SLC35F4: variants seen among roughly 807,000 people sequenced by gnomAD.
SLC35F4 encodes the protein solute carrier family 35 member F4.
Under a neutral mutation model 44.2 loss-of-function variants are expected in SLC35F4, and 24 were observed. The ratio of observed to expected loss-of-function variants is 0.54; its 90% CI spans 0.39 to 0.76. SLC35F4 has a LOEUF of 0.76. Among genes scored for constraint, SLC35F4 ranks in the 30% least tolerant of loss-of-function variants. The probability of loss-of-function intolerance (pLI) is 0.00; values close to 1 mark genes in which losing one functional copy is unlikely to be tolerated. For missense variants in SLC35F4, 562 were observed against 586.1 expected (o/e 0.96, Z 0.42); for synonymous variants, 238 against 223.6 (o/e 1.06, Z -0.57).
At chr14:57,635,082 C>T (rs118123251) in intron 1 of SLC35F4, among the ~76,000 whole-genome samples, 3,133 of 151,906 alleles carry the variant, frequency 0.021, 50 homozygotes, top group Non-Finnish European at 0.033. Context: ...AAACTCTGTA[C>T]CTACCAAAAA....
chr14:57,801,439 T>C (rs1417065025), intron 1 of SLC35F4, among the ~76,000 whole-genome samples: 1 of 152,164 alleles, frequency 6.6e-6, no homozygotes, highest in East Asian at 1.9e-4. Context: ...CCAGTGACAC[T>C]GCAAAGCAAC....
intron 1 of SLC35F4, among the ~76,000 whole-genome samples, chr14:57,701,650 G>A (rs1451959646): frequency 3.9e-5 from 6 of 152,280 alleles, no homozygotes; most frequent in South Asian, 2.1e-4. Flanking sequence ...CCACTGTTGC[G>A]TATGTGGTCA....
chr14:57,684,761 G>A (rs1748534888), intron 1 of SLC35F4, among the ~76,000 whole-genome samples: 1 of 152,190 alleles, frequency 6.6e-6, no homozygotes, highest in East Asian at 1.9e-4. Flanking sequence ...CTTCTAGAAG[G>A]CAGGCACCCT....
chr14:57,608,385 A>C (rs1381471575), intron 1 of SLC35F4, among the ~76,000 whole-genome samples: 2 of 152,154 alleles, frequency 1.3e-5, no homozygotes, highest in Non-Finnish European at 2.9e-5. Context: ...GGGCACACAC[A>C]CTCATGGGGA....
chr14:57,715,040 G>C (rs1346733389), intron 1 of SLC35F4, among the ~76,000 whole-genome samples: 1 of 152,134 alleles, frequency 6.6e-6, no homozygotes, highest in Non-Finnish European at 1.5e-5. Context: ...AGTAGTAAAA[G>C]TGTGGAATTA....
At chr14:57,805,419 A>C (rs1334903868) in intron 1 of SLC35F4, among the ~76,000 whole-genome samples, 2 of 152,232 alleles carry the variant, frequency 1.3e-5, no homozygotes, top group African/African-American at 4.8e-5. Flanking sequence ...GTACATATAC[A>C]CCATGGGATA....
At chr14:57,654,101 T>C (rs1187176386) in intron 1 of SLC35F4, among the ~76,000 whole-genome samples, 1 of 152,186 alleles carries the variant, frequency 6.6e-6, no homozygotes, top group African/African-American at 2.4e-5. Context: ...GTACCCATTC[T>C]ACTCATCCAG....
chr14:57,936,409 TC>T (rs1889797459), intron 1 of SLC35F4, among the ~76,000 whole-genome samples: 1 of 151,308 alleles, frequency 6.6e-6, no homozygotes, highest in African/African-American at 2.5e-5. Flanking sequence ...AGAAAATAAC[TC>T]CCCTCAAAAC....
At chr14:57,868,077 A>T (rs1888221210), upstream of SLC35F4, among the ~76,000 whole-genome samples, 1 of 152,226 alleles carries the variant, frequency 6.6e-6, no homozygotes, top group South Asian at 2.1e-4. Flanking sequence ...ATAAAAATGT[A>T]TTTAACTGGA....
chr14:57,577,164 A>G (rs749850818), intron 4 of SLC35F4, among the ~76,000 whole-genome samples: 5 of 152,218 alleles, frequency 3.3e-5, no homozygotes, highest in Non-Finnish European at 7.3e-5. Context: ...TTAATATTTA[A>G]TATCAGCATA....
intron 1 of SLC35F4, among the ~76,000 whole-genome samples, chr14:57,845,258 G>T (rs1170359722): frequency 6.6e-6 from 1 of 152,112 alleles, no homozygotes; most frequent in African/African-American, 2.4e-5. Context: ...ACAGTTCTGG[G>T]GTCAAATCCT....
At chr14:57,834,625 C>T (rs1454439129) in intron 1 of SLC35F4, among the ~76,000 whole-genome samples, 4 of 152,158 alleles carry the variant, frequency 2.6e-5, no homozygotes, top group African/African-American at 9.7e-5. Flanking sequence ...ATAACTAAAC[C>T]GTCATTCACT....
At chr14:57,978,593 A>C (rs564303857) in intron 1 of SLC35F4, among the ~76,000 whole-genome samples, 1 of 152,324 alleles carries the variant, frequency 6.6e-6, no homozygotes, top group African/African-American at 2.4e-5. Context: ...CAGGCACACT[A>C]ACCTGTAGGG....
chr14:57,955,451 C>T (rs1319155916), intron 1 of SLC35F4, among the ~76,000 whole-genome samples: 2 of 152,032 alleles, frequency 1.3e-5, no homozygotes, highest in Non-Finnish European at 2.9e-5. Context: ...GGCAAGCAGG[C>T]AAGAGAAAGA....
At position 57,925,168 on chromosome 14, in the gene SLC35F4, T is replaced by C. The variant is rs7149336; in HGVS notation, n.282+56745A>G. On this transcript the variant is annotated intron_variant and non_coding_transcript_variant, in intron 1 of 1. Transcript: ENST00000556568. ...TCTATTAATGAGGGATTCACTCCCA[T>C]AGGCCCCACTTCCATTAGGCCCCAC... Among the ~76,000 whole-genome samples the C allele has an allele frequency of 0.023, 3,435 of 148,838 alleles. 423 individuals are homozygous for C. The East Asian group carries it at 0.4, about 17-fold the overall frequency.
At chr14:57,617,963 C>T (rs1287783758) in intron 1 of SLC35F4, among the ~76,000 whole-genome samples, 1 of 152,046 alleles carries the variant, frequency 6.6e-6, no homozygotes, top group Non-Finnish European at 1.5e-5. Flanking sequence ...TTAAAGATGC[C>T]ATCTAAATCT....
At chr14:57,596,913 CA>C in intron 1 of SLC35F4, 1 of 1,360,986 alleles carries the variant, frequency 7.3e-7, no homozygotes, top group Non-Finnish European at 9.8e-7. Context: ...ACATTTTAAT[CA>C]CTGTCTTAAA....
chr14:57,690,086 A>G (rs2075185285), intron 1 of SLC35F4, among the ~76,000 whole-genome samples: 1 of 152,136 alleles, frequency 6.6e-6, no homozygotes, highest in African/African-American at 2.4e-5. Flanking sequence ...AACTCCTTCT[A>G]TACTTCAACT....
At chr14:57,579,367 A>T (rs1239443426) in intron 4 of SLC35F4, 1 of 152,210 alleles carries the variant, frequency 6.6e-6, no homozygotes, top group African/African-American at 2.4e-5. Flanking sequence ...TCTGCTATTT[A>T]AAGATAAGTT....
Sources: gnomAD v4.1 joint callset for allele counts (sites outside exome capture counted in the v4.1 genomes callset) on GRCh38, gnomAD v4.1.1 for gene constraint, MANE v1.5 for transcripts, NCBI Gene and HGNC (gene_info 2026-07-23, HGNC 2026-07-21) for gene names.